GALNT13: variants seen among roughly 807,000 people sequenced by gnomAD.
The protein encoded by GALNT13 is polypeptide N-acetylgalactosaminyltransferase 13.
Under a neutral mutation model 64.2 loss-of-function variants are expected in GALNT13, and 28 were observed. The observed-to-expected ratio is 0.44, with a 90% CI of 0.32 to 0.60. GALNT13 has a LOEUF of 0.60. Ranked by LOEUF, GALNT13 falls within the 20% of genes least tolerant of loss-of-function variation. GALNT13 has a pLI of 0.05. For synonymous variants in GALNT13, 214 were observed against 224.6 expected (o/e 0.95, Z 0.42); for missense variants, 577 against 669.8 (o/e 0.86, Z 1.53).
chr2:153,771,846 A>G, the GALNT13 span, among the ~76,000 whole-genome samples: 1 of 152,114 alleles, frequency 6.6e-6, no homozygotes, highest in Non-Finnish European at 1.5e-5. Flanking sequence ...TGAGGTGGAG[A>G]GAGGTTCACT....
At chr2:154,024,830 A>C (rs1274625547) in intron 3 of GALNT13, among the ~76,000 whole-genome samples, 1 of 151,548 alleles carries the variant, frequency 6.6e-6, no homozygotes, top group Non-Finnish European at 1.5e-5. Context: ...GGTTTTATCT[A>C]CCTTTGGTCT....
At chr2:153,382,231 G>A in the GALNT13 span, among the ~76,000 whole-genome samples, 1 of 151,756 alleles carries the variant, frequency 6.6e-6, no homozygotes, top group Non-Finnish European at 1.5e-5. Context: ...TTTCATTTTA[G>A]ATGCAGGGGG....
Position 154,168,862 on chromosome 2 carries a change from GAGAA to G in GALNT13, c.311+28363_311+28366del, listed in dbSNP as rs1216786284. Among the ~76,000 whole-genome samples, 16 of 151,818 alleles carry G rather than the reference GAGAA, an allele frequency of 1.1e-4. No individual in the cohort carries two copies. In the East Asian group the frequency reaches 1.9e-3, roughly 18 times the overall value. On this transcript the variant is annotated intron_variant, in intron 4 of 12. Coordinates refer to ENST00000392825, the MANE Select transcript of GALNT13 (RefSeq NM_052917.4). Reference sequence around the variant, plus strand: ...GTCTCAAAAATAAATAAATAAAAAAGAGAAAGAAAAGAGATTTATTGGCTAATGG... The same window carrying G: ...GTCTCAAAAATAAATAAATAAAAAAGAGAAAAGAGATTTATTGGCTAATGG...
intron 11 of GALNT13, among the ~76,000 whole-genome samples, chr2:154,411,201 T>C (rs1699776527): frequency 6.6e-6 from 1 of 151,806 alleles, no homozygotes; most frequent in East Asian, 1.9e-4. Flanking sequence ...AGTGATCAAA[T>C]AATAATAAGC....
the GALNT13 span, among the ~76,000 whole-genome samples, chr2:153,698,834 G>T: frequency 6.6e-6 from 1 of 152,182 alleles, no homozygotes; most frequent in Admixed American, 6.5e-5. Flanking sequence ...TGCATAATTG[G>T]AAGTAAAACA....
chr2:154,006,500 C>G (rs1696259914), intron 3 of GALNT13, among the ~76,000 whole-genome samples: 2 of 152,090 alleles, frequency 1.3e-5, no homozygotes, highest in South Asian at 4.1e-4. Context: ...TTGGTTATAA[C>G]TATTTGTGAA....
intron 4 of GALNT13, among the ~76,000 whole-genome samples, chr2:154,180,688 TA>T (rs1278146402): frequency 6.6e-6 from 1 of 152,168 alleles, no homozygotes; most frequent in African/African-American, 2.4e-5. Context: ...AAAGTCCCTA[TA>T]GGGGTGTATC....
the GALNT13 span, among the ~76,000 whole-genome samples, chr2:153,530,405 T>C: frequency 6.6e-6 from 1 of 152,154 alleles, no homozygotes; most frequent in Non-Finnish European, 1.5e-5. Context: ...TCCATGCTCA[T>C]GGATTAGATG....
At chr2:153,696,887 A>G in the GALNT13 span, among the ~76,000 whole-genome samples, 1 of 152,154 alleles carries the variant, frequency 6.6e-6, no homozygotes, top group Admixed American at 6.5e-5. Flanking sequence ...TGAGATCTAC[A>G]TTTCTCAGAC....
At chr2:153,241,545 G>A in the GALNT13 span, among the ~76,000 whole-genome samples, 6 of 152,060 alleles carry the variant, frequency 3.9e-5, no homozygotes, top group Non-Finnish European at 8.8e-5. Context: ...AGTGAGCTGG[G>A]TCCTTCAAAC....
At chr2:154,164,070 T>A (rs1268658696) in intron 4 of GALNT13, among the ~76,000 whole-genome samples, 4 of 152,168 alleles carry the variant, frequency 2.6e-5, no homozygotes, top group African/African-American at 9.6e-5. Flanking sequence ...TATATCATAC[T>A]GAATCACAGA....
the GALNT13 span, among the ~76,000 whole-genome samples, chr2:153,758,208 A>G: frequency 6.6e-6 from 1 of 151,994 alleles, no homozygotes; most frequent in African/African-American, 2.4e-5. Context: ...TGAATACCCA[A>G]ATTTCCCCAT....
At chr2:153,530,217 G>A in the GALNT13 span, among the ~76,000 whole-genome samples, 1 of 151,468 alleles carries the variant, frequency 6.6e-6, no homozygotes, top group African/African-American at 2.4e-5. Flanking sequence ...AAAATCAGTA[G>A]CATTTTTATA....
chr2:154,040,301 C>G (rs1698902643), intron 3 of GALNT13, among the ~76,000 whole-genome samples: 1 of 140,576 alleles, frequency 7.1e-6, no homozygotes, highest in African/African-American at 2.4e-5. Context: ...TCTTTAAAGC[C>G]CAAACCAAAT....
At chr2:154,157,657 G>C (rs988323988) in intron 4 of GALNT13, among the ~76,000 whole-genome samples, 1 of 152,126 alleles carries the variant, frequency 6.6e-6, no homozygotes, top group Non-Finnish European at 1.5e-5. Flanking sequence ...AAAAGTTCTT[G>C]AAAGAGTTGG....
intron 3 of GALNT13, among the ~76,000 whole-genome samples, chr2:154,026,685 GC>G (rs1455485296): frequency 6.6e-6 from 1 of 152,004 alleles, no homozygotes; most frequent in Non-Finnish European, 1.5e-5. Flanking sequence ...TTGGATTAGG[GC>G]CCCACTCTTA....
the GALNT13 span, among the ~76,000 whole-genome samples, chr2:153,856,480 C>T: frequency 6.6e-6 from 1 of 152,028 alleles, no homozygotes; most frequent in Non-Finnish European, 1.5e-5. Context: ...TTTGAATGAC[C>T]ATTTCACCAA....
At chr2:153,917,062 G>T (rs7606717) in intron 2 of GALNT13, among the ~76,000 whole-genome samples, 1 of 151,900 alleles carries the variant, frequency 6.6e-6, no homozygotes, top group South Asian at 2.1e-4. Context: ...CAGCTGACAA[G>T]TCACTTAGTT....
chr2:153,835,071 G>C, the GALNT13 span, among the ~76,000 whole-genome samples: 1 of 152,014 alleles, frequency 6.6e-6, no homozygotes, highest in Non-Finnish European at 1.5e-5. Context: ...AAGACAGTCT[G>C]GTCCTTGAAG....
Sources: allele counts gnomAD v4.1 joint callset (sites outside exome capture counted in the v4.1 genomes callset), GRCh38; gene constraint gnomAD v4.1.1; transcripts MANE v1.5; gene names NCBI Gene and HGNC (gene_info 2026-07-23, HGNC 2026-07-21).